MLLT3: variants seen among roughly 807,000 people sequenced by gnomAD.
MLLT3 encodes MLLT3 super elongation complex subunit.
MLLT3 carries 4 observed loss-of-function variants against 53.2 expected under a neutral mutation model. That is an observed-to-expected ratio of 0.08 (90% CI 0.04 to 0.17). The LOEUF is 0.17. MLLT3 is among the 10% of genes least tolerant of loss of function. MLLT3 has a pLI of 1.00. For synonymous variants in MLLT3, 283 were observed against 230.6 expected (o/e 1.23, Z -2.06); for missense variants, 569 against 684.0 (o/e 0.83, Z 1.87).
At chr9:20,431,938 C>T (rs1189120389) in intron 4 of MLLT3, among the ~76,000 whole-genome samples, 1 of 152,016 alleles carries the variant, frequency 6.6e-6, no homozygotes, top group Non-Finnish European at 1.5e-5. Context: ...AACAAACATA[C>T]ATTTATGGTA....
intron 5 of MLLT3, among the ~76,000 whole-genome samples, chr9:20,411,495 C>T (rs570213985): frequency 6.6e-6 from 1 of 152,152 alleles, no homozygotes; most frequent in East Asian, 1.9e-4. Flanking sequence ...AAGGAAAGTA[C>T]GGCTGTTGGG....
intron 5 of MLLT3, among the ~76,000 whole-genome samples, chr9:20,389,571 T>C (rs1009965242): frequency 3.3e-5 from 5 of 151,474 alleles, no homozygotes; most frequent in African/African-American, 1.2e-4. Context: ...GGCCAGGAGG[T>C]CAAGACCAGC....
At chr9:20,543,722 G>A (rs1818707041) in intron 2 of MLLT3, among the ~76,000 whole-genome samples, 1 of 151,098 alleles carries the variant, frequency 6.6e-6, no homozygotes, top group Non-Finnish European at 1.5e-5. Flanking sequence ...GGACGGAGGA[G>A]GAAGGAGGAA....
At chr9:20,399,271 T>C (rs190982152) in intron 5 of MLLT3, among the ~76,000 whole-genome samples, 1 of 152,276 alleles carries the variant, frequency 6.6e-6, no homozygotes, top group Admixed American at 6.5e-5. Context: ...ACTCCTCGAC[T>C]AGACATGCAT....
rs1306606028 is a variant in MLLT3, at chr9:20,342,301, A to G, written c.*4142T>C. On this transcript the variant is annotated 3_prime_UTR_variant, in exon 11 of 11. Transcript: ENST00000380338. ...ATTTTAGAGAAGGGAAATACATCTT[A>G]CAGTGTGCCTTGAATTCACACAAAA... 4.5e-6 allele frequency: 1 copy of G among 224,540 alleles called. No individual in the cohort carries two copies. The highest frequency in any genetic ancestry group is 8.9e-6 in the Non-Finnish European group (1 of 112,792). 13.9% of individuals were successfully genotyped at this position (224,540 alleles called of 1,614,324 possible).
At chr9:20,417,631 C>A (rs745409338) in intron 4 of MLLT3, among the ~76,000 whole-genome samples, 1 of 151,984 alleles carries the variant, frequency 6.6e-6, no homozygotes, top group South Asian at 2.1e-4. Flanking sequence ...ATATTTAAGG[C>A]AAATGATTGT....
At chr9:20,477,118 T>G (rs1824540667) in intron 2 of MLLT3, among the ~76,000 whole-genome samples, 1 of 151,988 alleles carries the variant, frequency 6.6e-6, no homozygotes, top group Non-Finnish European at 1.5e-5. Flanking sequence ...TCGGAGGGAT[T>G]CCACACAAGC....
chr9:20,454,710 G>T (rs1367518478), intron 3 of MLLT3, among the ~76,000 whole-genome samples: 1 of 152,118 alleles, frequency 6.6e-6, no homozygotes, highest in Non-Finnish European at 1.5e-5. Context: ...TGACAAGAGG[G>T]AAGAAAAGCA....
chr9:20,388,540 A>T (rs1437257730), intron 5 of MLLT3, among the ~76,000 whole-genome samples: 1 of 152,226 alleles, frequency 6.6e-6, no homozygotes, highest in South Asian at 2.1e-4. Flanking sequence ...GTGAGCCGAG[A>T]TCGTGCCACT....
At chr9:20,577,299 C>T (rs1271635604) in intron 2 of MLLT3, among the ~76,000 whole-genome samples, 1 of 152,166 alleles carries the variant, frequency 6.6e-6, no homozygotes, top group Non-Finnish European at 1.5e-5. Flanking sequence ...GTAGGCTAGA[C>T]ACTAACCTGA....
At chr9:20,429,706 T>G (rs1196205366) in intron 4 of MLLT3, among the ~76,000 whole-genome samples, 1 of 152,118 alleles carries the variant, frequency 6.6e-6, no homozygotes. Context: ...TACTGAAACG[T>G]TTTCTGATAA....
chr9:20,378,237 G>C (rs1821820907), intron 5 of MLLT3, among the ~76,000 whole-genome samples: 1 of 151,806 alleles, frequency 6.6e-6, no homozygotes, highest in South Asian at 2.1e-4. Context: ...ACATACATTG[G>C]GGATACAGGT....
intron 6 of MLLT3, among the ~76,000 whole-genome samples, chr9:20,364,008 G>C (rs555847080): frequency 1.3e-5 from 2 of 152,282 alleles, no homozygotes; most frequent in East Asian, 3.9e-4. Flanking sequence ...CAGCCTTTGT[G>C]TGGTACTTTT....
At chr9:20,458,791 T>C (rs75941499) in intron 2 of MLLT3, among the ~76,000 whole-genome samples, 3,216 of 152,280 alleles carry the variant, frequency 0.021, 129 homozygotes, top group African/African-American at 0.073. Context: ...TAAAGCATCC[T>C]GAATGGGTAA....
chr9:20,549,495 C>T (rs915732127), intron 2 of MLLT3, among the ~76,000 whole-genome samples: 2 of 152,276 alleles, frequency 1.3e-5, no homozygotes, highest in Admixed American at 6.5e-5. Context: ...AAGCATTTTA[C>T]GTAGTTAACT....
At chr9:20,463,706 G>A (rs1248982392) in intron 2 of MLLT3, among the ~76,000 whole-genome samples, 4 of 152,120 alleles carry the variant, frequency 2.6e-5, no homozygotes, top group African/African-American at 7.2e-5. Flanking sequence ...TATCTTCAGA[G>A]AAGGTTCAAC....
At position 20,410,124 on chromosome 9, in the gene MLLT3, C is replaced by G. The variant is rs546980573; in HGVS notation, c.1125+3597G>C. ...AACATCAAGACCATACACCTTGTGA[C>G]GACAAAATTCAGAGCAAAGTGACAA... On this transcript the variant is annotated intron_variant, in intron 5 of 10. Coordinates refer to ENST00000380338, the MANE Select transcript of MLLT3 (RefSeq NM_004529.4). Among the ~76,000 whole-genome samples the G allele has an allele frequency of 7.9e-5, 12 of 152,102 alleles. No homozygotes were observed. The South Asian group carries it at 1.7e-3, about 21-fold the overall frequency.
At chr9:20,551,349 C>A (rs1818921352) in intron 2 of MLLT3, among the ~76,000 whole-genome samples, 1 of 152,198 alleles carries the variant, frequency 6.6e-6, no homozygotes, top group Non-Finnish European at 1.5e-5. Context: ...AAGCAAAGAT[C>A]ACTTTAAAGC....
At chr9:20,546,942 T>C (rs1167097755) in intron 2 of MLLT3, among the ~76,000 whole-genome samples, 3 of 152,200 alleles carry the variant, frequency 2.0e-5, no homozygotes, top group African/African-American at 7.2e-5. Context: ...CATTGGCCTG[T>C]GCAGTTACCC....
Sources: gnomAD v4.1 joint callset for allele counts (sites outside exome capture counted in the v4.1 genomes callset) on GRCh38, gnomAD v4.1.1 for gene constraint, MANE v1.5 for transcripts, NCBI Gene and HGNC (gene_info 2026-07-23, HGNC 2026-07-21) for gene names.